Variants in STK17B observed in about 807,000 individuals in gnomAD.
STK17B encodes serine/threonine-protein kinase 17B.
In STK17B, 21 loss-of-function variants were observed where a neutral mutation model predicts 42.0. The observed-to-expected ratio is 0.50, with a 90% CI of 0.35 to 0.72. The LOEUF (loss-of-function observed/expected upper bound fraction) is 0.72, where lower values mean the gene tolerates loss of function less well. Among genes scored for constraint, STK17B ranks in the 30% least tolerant of loss-of-function variants. The pLI is 0.00. For missense variants in STK17B, 349 were observed against 446.0 expected, an observed-to-expected ratio of 0.78 and a Z score of 1.96; for synonymous variants, 143 against 148.4, an observed-to-expected ratio of 0.96 and a Z score of 0.26.
intron 7 of STK17B, among the ~76,000 whole-genome samples, chr2:196,138,540 C>T (rs922940940): frequency 4.6e-5 from 7 of 151,082 alleles, no homozygotes; most frequent in East Asian, 1.9e-4. Flanking sequence ...TTTTGAAAGA[C>T]GGTGCTTAAC....
intron 2 of STK17B, among the ~76,000 whole-genome samples, chr2:196,160,907 C>T (rs548588873): frequency 1.3e-5 from 2 of 152,208 alleles, no homozygotes; most frequent in African/African-American, 4.8e-5. Context: ...TTTAGAATTA[C>T]TAATATCATC....
At chr2:196,145,295 C>T (rs1291232090) in intron 4 of STK17B, among the ~76,000 whole-genome samples, 1 of 151,612 alleles carries the variant, frequency 6.6e-6, no homozygotes, top group Admixed American at 6.6e-5. Context: ...GCAAGGACAC[C>T]ATATAAAAAC....
At chr2:196,175,687 A>T, upstream of STK17B, among the ~76,000 whole-genome samples, 1 of 152,366 alleles carries the variant, frequency 6.6e-6, no homozygotes, top group Admixed American at 6.5e-5. Flanking sequence ...TATAAATTTA[A>T]TGACAATGAA....
chr2:196,173,733 T>C (rs1699973878), upstream of STK17B, among the ~76,000 whole-genome samples: 1 of 152,198 alleles, frequency 6.6e-6, no homozygotes, highest in African/African-American at 2.4e-5. Context: ...TGGTCATTGC[T>C]TCTGACCACA....
rs781126284 is a variant in STK17B, at chr2:196,156,643, A to G, written c.131T>C (p.Phe44Ser). The G allele has an allele frequency of 5.6e-6, 9 of 1,611,068 alleles. No homozygotes were observed. The highest frequency in any genetic ancestry group is 1.3e-5 in the African/African-American group (1 of 74,664). ...LTSKELGRGK[F>S]AVVRQCISKS... ...TGATATACATTGTCTAACCACAGCA[A>G]ATTTTCCTCTGGGGGAAGATGAGAA... The change falls in exon 3 of 8, where the codon TTT becomes TCT. Residue 44 changes from phenylalanine (F) to serine (S), a missense_variant. Physicochemically the swap from Phe to Ser is radical, Grantham distance 155. This residue lies in a region of STK17B where 256 missense variants were observed against 347.7 expected (regional missense o/e 0.74). Coordinates refer to ENST00000263955, the MANE Select transcript of STK17B (RefSeq NM_004226.4).
Position 196,134,199 on chromosome 2 carries a change from C to T in STK17B, c.*3248G>A, listed in dbSNP as rs1359644712. 6.6e-6 allele frequency: 1 copy of T among 152,058 alleles called. No individual in the cohort carries two copies. The highest frequency in any genetic ancestry group is 1.5e-5 in the Non-Finnish European group (1 of 68,034). The allele number at this position is 152,058 out of a possible 1,614,324, so 9.4% of individuals were successfully genotyped here. ...GGCTCAGTTGACTTTTTTTAAATAA[C>T]AAGACTTCTTTGATAAAGGAAGCAA... is the stretch of plus-strand genomic sequence containing the variant. On this transcript the variant is annotated 3_prime_UTR_variant, in exon 8 of 8. Transcript: ENST00000263955.
chr2:196,172,809 A>G (rs1374317695), upstream of STK17B, among the ~76,000 whole-genome samples: 2 of 152,218 alleles, frequency 1.3e-5, no homozygotes, highest in African/African-American at 4.8e-5. Flanking sequence ...AGAGAAGCCT[A>G]AAGTTAGGAT....
intron 4 of STK17B, among the ~76,000 whole-genome samples, chr2:196,144,079 T>C (rs1455257152): frequency 2.0e-5 from 3 of 151,738 alleles, no homozygotes; most frequent in African/African-American, 4.8e-5. Context: ...GGTGTCAACC[T>C]GTAGTCTCAG....
chr2:196,173,046 A>G (rs1408807349), upstream of STK17B, among the ~76,000 whole-genome samples: 1 of 152,024 alleles, frequency 6.6e-6, no homozygotes, highest in African/African-American at 2.4e-5. Flanking sequence ...CATTTCATCA[A>G]TTGCCAGCTT....
intron 3 of STK17B, among the ~76,000 whole-genome samples, chr2:196,152,652 A>G (rs2105696582): frequency 6.6e-6 from 1 of 152,372 alleles, no homozygotes; most frequent in South Asian, 2.1e-4. Flanking sequence ...AAAGATGCCT[A>G]TGAACTAATG....
intron 5 of STK17B, 67 bp from the exon 6 acceptor site, chr2:196,141,364 T>A: frequency 1.5e-6 from 2 of 1,328,842 alleles, no homozygotes; most frequent in Non-Finnish European, 1.1e-6. Flanking sequence ...CACTTTATAT[T>A]ACGTTATAAC....
At chr2:196,172,322 A>G (rs1699958423), upstream of STK17B, among the ~76,000 whole-genome samples, 1 of 152,222 alleles carries the variant, frequency 6.6e-6, no homozygotes, top group African/African-American at 2.4e-5. Context: ...GACAGTGGAA[A>G]TTTTCAAAGT....
upstream of STK17B, among the ~76,000 whole-genome samples, chr2:196,173,793 G>T (rs1699974337): frequency 1.3e-5 from 2 of 152,140 alleles, no homozygotes; most frequent in South Asian, 4.1e-4. Context: ...ACCAGGGATG[G>T]CGGTTGTTAT....
chr2:196,167,450 G>T lies in STK17B; in HGVS notation c.-45+3883C>A, dbSNP rs151193285. ...TCTTCGAGGGGTTAGGAGAACTTGA[G>T]ATCCATCTTGAATTTACAGTACTGG... On this transcript the variant is annotated intron_variant, in intron 1 of 7. Transcript: ENST00000263955. Among the ~76,000 whole-genome samples, 449 of 152,316 alleles carry T rather than the reference G, an allele frequency of 2.9e-3. 3 individuals carry two copies. The highest frequency in any genetic ancestry group is 5.5e-3 in the Non-Finnish European group (373 of 68,026).
chr2:196,139,937 C>A (rs982642136), intron 6 of STK17B, 138 bp from the exon 7 acceptor site: 3 of 542,026 alleles, frequency 5.5e-6, no homozygotes, highest in Non-Finnish European at 8.5e-6. Flanking sequence ...TTCAAAGTTC[C>A]TATATTATTA....
intron 1 of STK17B, among the ~76,000 whole-genome samples, chr2:196,169,171 G>A (rs1196820031): frequency 6.7e-6 from 1 of 149,886 alleles, no homozygotes; most frequent in African/African-American, 2.5e-5. Flanking sequence ...CGGCCTTCCG[G>A]GTCAAGCAAC....
chr2:196,172,365 T>C (rs1239430846), upstream of STK17B, among the ~76,000 whole-genome samples: 2 of 152,390 alleles, frequency 1.3e-5, no homozygotes, highest in Non-Finnish European at 2.9e-5. Context: ...TACATAGATA[T>C]ATAATCCTAG....
intron 4 of STK17B, among the ~76,000 whole-genome samples, chr2:196,144,193 A>G (rs10167112): frequency 9.3e-6 from 1 of 107,590 alleles, no homozygotes; most frequent in Non-Finnish European, 2.4e-5. Flanking sequence ...AAATTAAAAA[A>G]TTAAAAAAAA....
chr2:196,170,475 T>C (rs954727246), intron 1 of STK17B, among the ~76,000 whole-genome samples: 2 of 152,232 alleles, frequency 1.3e-5, no homozygotes, highest in Admixed American at 1.3e-4. Context: ...ATTTTCTTAA[T>C]TCCAATTTCC....
Sources: gnomAD v4.1 joint callset for allele counts (sites outside exome capture counted in the v4.1 genomes callset) on GRCh38, gnomAD v4.1.1 for gene constraint, gnomAD v4.1.1 regional missense constraint, MANE v1.5 for transcripts, NCBI Gene and HGNC (gene_info 2026-07-23, HGNC 2026-07-21) for gene names.